Variants in ZNF787 observed in about 807,000 individuals in gnomAD.
ZNF787 encodes zinc finger protein 787.
In ZNF787, 7 loss-of-function variants were observed where a neutral mutation model predicts 16.9. The observed-to-expected ratio is 0.42, with a 90% confidence interval of 0.24 to 0.78. The LOEUF (loss-of-function observed/expected upper bound fraction) is 0.78. Among genes scored for constraint, ZNF787 ranks in the 30% least tolerant of loss-of-function variants. The probability of loss-of-function intolerance (pLI) is 0.30; values close to 1 mark genes in which losing one functional copy is unlikely to be tolerated. For synonymous variants in ZNF787, 345 were observed against 270.9 expected (o/e 1.27, Z -2.69); for missense variants, 551 against 589.3 (o/e 0.94, Z 0.67).
chr19:56,088,147 C>A lies in ZNF787; in HGVS notation c.1025G>T (p.Gly342Val). 6.4e-7 allele frequency: 1 copy of A among 1,555,370 alleles called. No individual in the cohort carries two copies. The highest frequency in any genetic ancestry group is 1.2e-5 in the South Asian group (1 of 86,296). The change falls in exon 3 of 3, where the codon GGC becomes GTC. Residue 342 changes from glycine to valine, a missense_variant. Gly to Val is a moderately radical substitution (Grantham distance 109, BLOSUM62 -3). This residue lies in a region of ZNF787 where 392 missense variants were observed against 312.7 expected (regional missense o/e 1.25). Coordinates refer to ENST00000610935, the MANE Select transcript of ZNF787 (RefSeq NM_001002836.4). The surrounding 1 kb of genome is among the most constrained non-coding windows in gnomAD (Gnocchi z 8.6). ...GCAGCTGCTGCAGACCGAGGGCGCG[C>A]CCACCGCGTGGATCTTCTTGTGTCT... ...LRRHKKIHAV[G>V]APSVCSSCGQ... is the part of the protein sequence containing the mutation.
intron 1 of ZNF787, among the ~76,000 whole-genome samples, chr19:56,120,947 G>A (rs1347334490): frequency 5.0e-5 from 5 of 100,310 alleles, no homozygotes; most frequent in African/African-American, 1.9e-4. Flanking sequence ...CGGGCCGCCC[G>A]GGCGCGCGTC....
intron 1 of ZNF787, among the ~76,000 whole-genome samples, chr19:56,113,774 C>G (rs1195344793): frequency 6.6e-6 from 1 of 152,182 alleles, no homozygotes; most frequent in Non-Finnish European, 1.5e-5. Context: ...CTAAAATCGA[C>G]TGTGGTGATG....
intron 2 of ZNF787, among the ~76,000 whole-genome samples, chr19:56,094,152 T>C (rs1010506145): frequency 6.6e-6 from 1 of 150,960 alleles, no homozygotes; most frequent in African/African-American, 2.4e-5. Flanking sequence ...GCCTCCCGAG[T>C]AGCAGGGATT....
At chr19:56,094,824 T>C (rs1319480062) in intron 2 of ZNF787, among the ~76,000 whole-genome samples, 1 of 152,062 alleles carries the variant, frequency 6.6e-6, no homozygotes, top group Non-Finnish European at 1.5e-5. Flanking sequence ...TAGATTCTCA[T>C]AAGGGACCAG....
At chr19:56,097,656 T>C (rs1321662934) in intron 2 of ZNF787, among the ~76,000 whole-genome samples, 4 of 152,216 alleles carry the variant, frequency 2.6e-5, no homozygotes, top group Non-Finnish European at 4.4e-5. Flanking sequence ...AATCCGTACG[T>C]TTCTTTTTAT....
intron 2 of ZNF787, among the ~76,000 whole-genome samples, chr19:56,096,357 T>C (rs767387891): frequency 1.3e-5 from 2 of 151,922 alleles, no homozygotes; most frequent in Non-Finnish European, 2.9e-5. Context: ...GGGTCAAGGC[T>C]GCAGTGAGCA....
intron 1 of ZNF787, among the ~76,000 whole-genome samples, chr19:56,109,940 T>G (rs1428266982): frequency 6.6e-6 from 1 of 152,158 alleles, no homozygotes; most frequent in Non-Finnish European, 1.5e-5. Context: ...TCAACCTAAT[T>G]CTCAGACTCT....
At position 56,088,222 on chromosome 19, in the gene ZNF787, T is replaced by G. The variant is rs747863328; in HGVS notation, c.950A>C (p.His317Pro). ...LGAAGGEEPAHICVECGEGFV... is the reference protein window; with the variant it reads ...LGAAGGEEPAPICVECGEGFV... ...GCCCTCCCCGCACTCCACGCAGATG[T>G]GGGCCGGCTCCTCGCCCCCCGCCGC... The change falls in exon 3 of 3, where the codon CAC becomes CCC. Residue 317 changes from histidine to proline, a missense_variant. This residue lies in a region of ZNF787 where 392 missense variants were observed against 312.7 expected (regional missense o/e 1.25). Transcript: ENST00000610935. This position sits in a 1 kb window ranked among gnomAD's most constrained non-coding sequence, Gnocchi z 8.6. 5 of 1,512,598 alleles carry G rather than the reference T, an allele frequency of 3.3e-6. No individual in the cohort carries two copies. The highest frequency in any genetic ancestry group is 2.0e-5 in the Admixed American group (1 of 49,590). The allele number at this position is 1,512,598 out of a possible 1,614,324, so 93.7% of individuals were successfully genotyped here. A position where few individuals can be genotyped will look rare whatever the true frequency, so the allele number is the denominator to read the frequency against.
Position 56,089,000 on chromosome 19 carries a change from G to A in ZNF787, c.172C>T (p.Pro58Ser), listed in dbSNP as rs892513084. The change falls in exon 3 of 3, where the codon CCC becomes TCC. Residue 58 changes from proline to serine, a missense_variant. Physicochemically the swap from Pro to Ser is moderately conservative, Grantham distance 74. Around this residue, in one of 4 missense-constraint regions of ZNF787, gnomAD observed 80 missense variants for 105.9 expected, o/e 0.76. Transcript: ENST00000610935. The surrounding 1 kb of genome is among the most constrained non-coding windows in gnomAD (Gnocchi z 8.6). ...TAGGGGGCGGGCGGCCGCGGCCGGGGAGGCGGGCCGGCTGGGGGCGCAGAC... is the reference window on the plus strand; with the variant it reads ...TAGGGGGCGGGCGGCCGCGGCCGGGAAGGCGGGCCGGCTGGGGGCGCAGAC... The part of the protein sequence containing the change: ...PQSAPPAGPP[P>S]RPRPPAPYIC... The A allele has an allele frequency of 3.3e-6, 5 of 1,494,486 alleles. No homozygotes were observed. Among genetic ancestry groups the A allele is most frequent in the Admixed American group, 4.8e-5 (2 of 41,900 alleles). 92.6% of individuals were successfully genotyped at this position (1,494,486 alleles called of 1,614,324 possible).
At chr19:56,096,223 G>A (rs540867508) in intron 2 of ZNF787, among the ~76,000 whole-genome samples, 112 of 68,050 alleles carry the variant, frequency 1.6e-3, no homozygotes, top group Non-Finnish European at 3.2e-3. Flanking sequence ...GTGAGACCCC[G>A]TCTCTAAAAA....
chr19:56,098,319 CT>C (rs1985947109), intron 2 of ZNF787, among the ~76,000 whole-genome samples: 2 of 152,336 alleles, frequency 1.3e-5, no homozygotes, highest in South Asian at 4.1e-4. Flanking sequence ...CCCACCTGCC[CT>C]GGCCAGTGAG....
chr19:56,108,352 G>A (rs1276340795), intron 1 of ZNF787, among the ~76,000 whole-genome samples: 5 of 37,674 alleles, frequency 1.3e-4, no homozygotes, highest in East Asian at 2.1e-3. Flanking sequence ...CCTCCACCCC[G>A]CCCCTGCCCA....
rs560321232 is a variant in ZNF787 at position 56,106,030 on chromosome 19, T to G, written c.-10-2803A>C. Among the ~76,000 whole-genome samples the G allele has an allele frequency of 7.1e-3, 398 of 55,788 alleles. 20 individuals carry two copies. The highest frequency in any genetic ancestry group is 0.026 in the African/African-American group (378 of 14,640). 36.6% of individuals were successfully genotyped at this position (55,788 alleles called of 152,430 possible). The stretch of plus-strand genomic sequence containing the variant: ...TCACCGCGCATTCCGCATTCCCCCC[T>G]CCGCGCCCACGGCAGTCACCGCGCA... On this transcript the variant is annotated intron_variant, in intron 1 of 2. Coordinates refer to ENST00000610935, the MANE Select transcript of ZNF787 (RefSeq NM_001002836.4).
At chr19:56,115,749 T>C (rs2030116779) in intron 1 of ZNF787, among the ~76,000 whole-genome samples, 1 of 151,438 alleles carries the variant, frequency 6.6e-6, no homozygotes, top group South Asian at 2.1e-4. Context: ...GCCACCACAC[T>C]CAACTACTTT....
chr19:56,106,644 C>T (rs1413202049), intron 1 of ZNF787, among the ~76,000 whole-genome samples: 1 of 152,246 alleles, frequency 6.6e-6, no homozygotes, highest in African/African-American at 2.4e-5. Context: ...GCGGCGCCAC[C>T]CCACCTCGTT....
intron 2 of ZNF787, chr19:56,102,920 GATC>G (rs1451654867): frequency 1.4e-6 from 1 of 707,636 alleles, no homozygotes; most frequent in Non-Finnish European, 2.6e-6. Context: ...GGGTCCCCAA[GATC>G]ATCCAGCAGA....
rs780731870 is a variant in ZNF787, at chr19:56,103,123, G to C, written c.79+16C>G. The C allele has an allele frequency of 5.6e-6, 9 of 1,611,950 alleles. No homozygotes were observed. The Admixed American group carries it at 6.7e-5, about 12-fold the overall frequency. On this transcript the variant is annotated intron_variant, in intron 2 of 2. Coordinates refer to ENST00000610935, the MANE Select transcript of ZNF787 (RefSeq NM_001002836.4). ...GGAGGCAGCGGGGTCGGCTGGGAAG[G>C]CCTCTGGCTGCTCACCTGGGTTCTC... is the stretch of plus-strand genomic sequence containing the variant.
chr19:56,118,340 G>A (rs911057979), intron 1 of ZNF787, among the ~76,000 whole-genome samples: 1 of 152,152 alleles, frequency 6.6e-6, no homozygotes, highest in African/African-American at 2.4e-5. Flanking sequence ...GAGTCCTCGT[G>A]GACAGTACAC....
chr19:56,105,649 C>A (rs971034547), intron 1 of ZNF787: 1 of 152,128 alleles, frequency 6.6e-6, no homozygotes, highest in African/African-American at 2.4e-5. Context: ...GAAACCTGCC[C>A]GAGGAGGCAC....
Sources: gnomAD v4.1 joint callset for allele counts (sites outside exome capture counted in the v4.1 genomes callset) on GRCh38, gnomAD v4.1.1 for gene constraint, gnomAD v4.1.1 regional missense constraint, Gnocchi (gnomAD v3.1) non-coding constraint, MANE v1.5 for transcripts, NCBI Gene and HGNC (gene_info 2026-07-23, HGNC 2026-07-21) for gene names.